Variants in NACC1 observed in about 807,000 individuals in gnomAD.
NACC1 encodes nucleus accumbens associated 1.
In NACC1, 6 loss-of-function variants were observed where a neutral mutation model predicts 41.7. The ratio of observed to expected loss-of-function variants is 0.14; its 90% CI spans 0.08 to 0.28. The LOEUF is 0.28. Ranked by LOEUF, NACC1 falls within the 10% of genes least tolerant of loss-of-function variation. The pLI, the probability that NACC1 is intolerant of heterozygous loss-of-function variation, is 1.00. For missense variants in NACC1, 434 were observed against 763.7 expected, an observed-to-expected ratio of 0.57 and a Z score of 5.09; for synonymous variants, 338 against 330.6, an observed-to-expected ratio of 1.02 and a Z score of -0.24.
In NACC1 at chr19:13,138,144, C is replaced by T. The variant is rs753742093; in HGVS notation, c.1325-3C>T. On this transcript the variant is annotated splice_polypyrimidine_tract_variant and splice_region_variant and intron_variant, in intron 5 of 5. Coordinates refer to ENST00000292431, the MANE Select transcript of NACC1 (RefSeq NM_052876.4). This position sits in a 1 kb window ranked among gnomAD's most constrained non-coding sequence, Gnocchi z 5.7. Reference sequence around the variant, plus strand: ...CCAAGGCCGCACCCACCCTGCCCCACAGACTACTGCCAGAACTTCGCCCCC... The same window carrying T: ...CCAAGGCCGCACCCACCCTGCCCCATAGACTACTGCCAGAACTTCGCCCCC... 6.2e-7 allele frequency: 1 copy of T among 1,612,512 alleles called. No homozygotes were observed. The highest frequency in any genetic ancestry group is 8.5e-7 in the Non-Finnish European group (1 of 1,179,106).
At chr19:13,128,792 T>C (rs1001751270) in intron 1 of NACC1, among the ~76,000 whole-genome samples, 5 of 152,174 alleles carry the variant, frequency 3.3e-5, no homozygotes, top group Non-Finnish European at 5.9e-5. Flanking sequence ...CAAATATTTA[T>C]TGAGTAGTTG....
intron 1 of NACC1, among the ~76,000 whole-genome samples, chr19:13,124,490 C>T (rs1001012611): frequency 6.6e-6 from 1 of 152,174 alleles, no homozygotes; most frequent in Non-Finnish European, 1.5e-5. Flanking sequence ...GTCTTCCTGC[C>T]TCAGCCTCCC....
intron 1 of NACC1, chr19:13,131,684 T>C: frequency 6.6e-6 from 1 of 152,168 alleles, no homozygotes; most frequent in African/African-American, 2.4e-5. Flanking sequence ...TTGTTTTGTT[T>C]GTGTTTTCGT....
rs751784426 is a variant in NACC1 at position 13,136,209 on chromosome 19, C to T, written c.947-23C>T. 5.6e-6 allele frequency: 9 copies of T among 1,606,542 alleles called. No homozygotes were observed. Among genetic ancestry groups the T allele is most frequent in the South Asian group, 2.2e-5 (2 of 90,172 alleles). ...AGCCACCCCTGCTCCTCCTGCCACT[C>T]GCGTGCCACTCTCTCCCTGCAGCCG... On this transcript the variant is annotated intron_variant, in intron 2 of 5. Coordinates refer to ENST00000292431, the MANE Select transcript of NACC1 (RefSeq NM_052876.4). The surrounding 1 kb of genome is among the most constrained non-coding windows in gnomAD (Gnocchi z 5.5).
chr19:13,117,392 A>G (rs575662892), upstream of NACC1: 6 of 152,316 alleles, frequency 3.9e-5, no homozygotes, highest in South Asian at 2.1e-4. Flanking sequence ...GAGTTAGTGC[A>G]GGTAAAATGC....
chr19:13,137,135 A>T lies in NACC1; in HGVS notation c.1121-136A>T, dbSNP rs2019717599. On this transcript the variant is annotated intron_variant, in intron 3 of 5. Coordinates refer to ENST00000292431, the MANE Select transcript of NACC1 (RefSeq NM_052876.4). The surrounding 1 kb of genome is among the most constrained non-coding windows in gnomAD (Gnocchi z 6.1). ...TTGGTGGGTAGAGATGTAGGGGAGA[A>T]GGTCCCTGGGTGAGTTTTCTTGGGA... The T allele has an allele frequency of 9.3e-6, 7 of 754,208 alleles. No homozygotes were observed. Among genetic ancestry groups the T allele is most frequent in the Non-Finnish European group, 1.6e-5 (7 of 450,132 alleles). The allele number at this position is 754,208 out of a possible 1,614,324, so 46.7% of individuals were successfully genotyped here.
chr19:13,122,534 G>GGT (rs1555721156), intron 1 of NACC1, among the ~76,000 whole-genome samples: 14 of 150,646 alleles, frequency 9.3e-5, no homozygotes, highest in African/African-American at 3.4e-4. Flanking sequence ...GGGGGGGGGG[G>GGT]GGTGTGCTGC....
chr19:13,127,557 G>T (rs909110221), intron 1 of NACC1, among the ~76,000 whole-genome samples: 3 of 151,300 alleles, frequency 2.0e-5, no homozygotes, highest in African/African-American at 7.3e-5. Context: ...CAGGCATGGT[G>T]GTGGTTACCT....
At position 13,138,578 on chromosome 19, in the gene NACC1, G is replaced by A. The variant is rs1407124651; in HGVS notation, c.*172G>A. On this transcript the variant is annotated 3_prime_UTR_variant, in exon 6 of 6. Coordinates refer to ENST00000292431, the MANE Select transcript of NACC1 (RefSeq NM_052876.4). The surrounding 1 kb of genome is among the most constrained non-coding windows in gnomAD (Gnocchi z 5.7). ...CCCTTTCCCCACCGAGAGCTGGGCC[G>A]GGAGAGGACCGCAGGGCAGGTGGCG... The A allele has an allele frequency of 1.1e-5, 11 of 997,776 alleles. No individual in the cohort carries two copies. Among genetic ancestry groups the A allele is most frequent in the East Asian group, 1.1e-4 (4 of 37,982 alleles). 61.8% of individuals were successfully genotyped at this position (997,776 alleles called of 1,614,324 possible).
chr19:13,131,859 TTTTG>T (rs2019637889), intron 1 of NACC1: 1 of 152,064 alleles, frequency 6.6e-6, no homozygotes, highest in South Asian at 2.1e-4. Flanking sequence ...TCTTGGGTTT[TTTTG>T]TTTGTTTTTG....
At position 13,139,844 on chromosome 19, in the gene NACC1, C is replaced by T. The variant is rs2019763047; in HGVS notation, c.*1438C>T. 2 of 152,058 alleles carry T rather than the reference C, an allele frequency of 1.3e-5. No individual in the cohort carries two copies. Among genetic ancestry groups the T allele is most frequent in the Admixed American group, 1.3e-4 (2 of 15,270 alleles). The allele number at this position is 152,058 out of a possible 1,614,324, so 9.4% of individuals were successfully genotyped here. A position where few individuals can be genotyped will look rare whatever the true frequency, so the allele number is the denominator to read the frequency against. On this transcript the variant is annotated 3_prime_UTR_variant, in exon 6 of 6. Coordinates refer to ENST00000292431, the MANE Select transcript of NACC1 (RefSeq NM_052876.4). ...GCAGTTTTTTTTCTTTTTTAACTCC[C>T]CATCCCCCTATGCAGGGTGTCATTT...
Position 13,136,503 on chromosome 19 carries a change from G to A in NACC1, c.1120+98G>A. The A allele has an allele frequency of 7.2e-7, 1 of 1,392,132 alleles. No individual in the cohort carries two copies. Among genetic ancestry groups the A allele is most frequent in the South Asian group, 1.4e-5 (1 of 71,062 alleles). 86.2% of individuals were successfully genotyped at this position (1,392,132 alleles called of 1,614,324 possible). On this transcript the variant is annotated intron_variant, in intron 3 of 5. Coordinates refer to ENST00000292431, the MANE Select transcript of NACC1 (RefSeq NM_052876.4). This position sits in a 1 kb window ranked among gnomAD's most constrained non-coding sequence, Gnocchi z 5.5. ...CTGGTTAGGAGCCCCCAGCACCTCA[G>A]TTTCCCTATCTGTGCTGTAGTGTTG... is the stretch of plus-strand genomic sequence containing the variant.
chr19:13,119,186 C>T (rs940045268), intron 1 of NACC1, among the ~76,000 whole-genome samples: 8 of 151,642 alleles, frequency 5.3e-5, no homozygotes, highest in African/African-American at 1.7e-4. Context: ...GATGTGGGGG[C>T]AGGTCAGGAA....
chr19:13,130,906 C>T (rs1017429765), intron 1 of NACC1, among the ~76,000 whole-genome samples: 1 of 152,158 alleles, frequency 6.6e-6, no homozygotes, highest in Non-Finnish European at 1.5e-5. Flanking sequence ...ACTCTGTAGG[C>T]CAGGACCCCA....
At position 13,135,649 on chromosome 19, in the gene NACC1, G is replaced by A. The variant is rs1251786739; in HGVS notation, c.442G>A (p.Ala148Thr). Reference sequence around the variant, plus strand: ...ATCGTCGGAGCCCCAGAGCCCCGTGGCGCAGACATCGGGCTGGCCAGCCTG... The same window carrying A: ...ATCGTCGGAGCCCCAGAGCCCCGTGACGCAGACATCGGGCTGGCCAGCCTG... Reference protein sequence around the residue: ...APSSEPQSPVAQTSGWPACST... With the variant: ...APSSEPQSPVTQTSGWPACST... The change falls in exon 2 of 6, where the codon GCG (alanine) becomes ACG (threonine). Residue 148 changes from alanine to threonine, a missense_variant. Physicochemically the swap from Ala to Thr is moderately conservative, Grantham distance 58. This residue lies in a region of NACC1 where 234 missense variants were observed against 308.3 expected (regional missense o/e 0.76). Coordinates refer to ENST00000292431, the MANE Select transcript of NACC1 (RefSeq NM_052876.4). The A allele has an allele frequency of 6.4e-7, 1 of 1,564,400 alleles. No homozygotes were observed. Among genetic ancestry groups the A allele is most frequent in the African/African-American group, 1.3e-5 (1 of 74,158 alleles).
intron 1 of NACC1, among the ~76,000 whole-genome samples, chr19:13,130,762 C>T (rs1395304645): frequency 6.6e-6 from 1 of 152,106 alleles, no homozygotes; most frequent in Admixed American, 6.5e-5. Context: ...TCTTGACCTC[C>T]TGACCTCAGG....
intron 1 of NACC1, among the ~76,000 whole-genome samples, chr19:13,134,703 TACAA>T (rs1383669410): frequency 6.6e-6 from 1 of 152,248 alleles, no homozygotes; most frequent in East Asian, 1.9e-4. Flanking sequence ...TTAGTCATTA[TACAA>T]ACAGTGATTG....
chr19:13,122,233 C>T (rs1213367007), intron 1 of NACC1, among the ~76,000 whole-genome samples: 1 of 152,164 alleles, frequency 6.6e-6, no homozygotes, highest in Non-Finnish European at 1.5e-5. Flanking sequence ...TGTGCGTCTT[C>T]TCTGAGGGCT....
chr19:13,137,475 C>T lies in NACC1; in HGVS notation c.1227-3C>T, dbSNP rs1368940430. The T allele has an allele frequency of 3.1e-6, 5 of 1,606,364 alleles. No individual in the cohort carries two copies. The highest frequency in any genetic ancestry group is 4.2e-6 in the Non-Finnish European group (5 of 1,176,722). On this transcript the variant is annotated splice_region_variant and splice_polypyrimidine_tract_variant and intron_variant, in intron 4 of 5. Coordinates refer to ENST00000292431, the MANE Select transcript of NACC1 (RefSeq NM_052876.4). The surrounding 1 kb of genome is among the most constrained non-coding windows in gnomAD (Gnocchi z 6.1). ...TGACTCCCTCCATGTCCCCTGCCCC[C>T]AGGAACACGCTGGCCAACAGCTGCG...
Sources: allele counts gnomAD v4.1 joint callset (sites outside exome capture counted in the v4.1 genomes callset), GRCh38; gene constraint gnomAD v4.1.1; regional missense constraint gnomAD v4.1.1; non-coding constraint Gnocchi (gnomAD v3.1); transcripts MANE v1.5; gene names NCBI Gene and HGNC (gene_info 2026-07-23, HGNC 2026-07-21).